Variants in TLK2 observed in about 807,000 individuals in gnomAD.
The protein encoded by TLK2 is tousled like kinase 2, also known as serine/threonine-protein kinase tousled-like 2.
In TLK2, 6 loss-of-function variants were observed where a neutral mutation model predicts 117.3. The ratio of observed to expected loss-of-function variants is 0.05; its 90% CI spans 0.03 to 0.10. The LOEUF (loss-of-function observed/expected upper bound fraction) is 0.10, where lower values mean the gene tolerates loss of function less well. Ranked by LOEUF, TLK2 falls within the 10% of genes least tolerant of loss-of-function variation. TLK2 has a pLI of 1.00. For synonymous variants in TLK2, 257 were observed against 316.7 expected (o/e 0.81, Z 2.00); for missense variants, 299 against 901.2 (o/e 0.33, Z 8.56).
At chr17:62,483,833 G>GC (rs1005510944) in intron 2 of TLK2, among the ~76,000 whole-genome samples, 5 of 145,458 alleles carry the variant, frequency 3.4e-5, no homozygotes, top group Non-Finnish European at 4.6e-5. Flanking sequence ...TCCATTAGTT[G>GC]TTTTTTTTTT....
At chr17:62,564,338 C>T (rs1307071958) in intron 10 of TLK2, among the ~76,000 whole-genome samples, 1 of 152,092 alleles carries the variant, frequency 6.6e-6, no homozygotes, top group Non-Finnish European at 1.5e-5. Context: ...GAGTTCAAGA[C>T]CAGCCTGGTC....
upstream of TLK2, among the ~76,000 whole-genome samples, chr17:62,474,055 G>A (rs549366328): frequency 5.3e-5 from 8 of 151,970 alleles, no homozygotes; most frequent in Non-Finnish European, 8.8e-5. Flanking sequence ...GGCAACATGC[G>A]CATCTAACTT....
At chr17:62,508,774 C>T in intron 2 of TLK2, among the ~76,000 whole-genome samples, 1 of 152,158 alleles carries the variant, frequency 6.6e-6, no homozygotes, top group East Asian at 1.9e-4. Flanking sequence ...TTGAGACCAG[C>T]CTGGGCAACA....
At chr17:62,477,338 G>C (rs1481168372), upstream of TLK2, among the ~76,000 whole-genome samples, 3 of 152,028 alleles carry the variant, frequency 2.0e-5, no homozygotes, top group African/African-American at 7.2e-5. Flanking sequence ...TGTTCTCTTT[G>C]GGAATATGCA....
intron 10 of TLK2, among the ~76,000 whole-genome samples, chr17:62,562,238 T>A (rs1473386927): frequency 2.6e-5 from 4 of 152,122 alleles, no homozygotes; most frequent in Admixed American, 2.6e-4. Flanking sequence ...TGTGCGCCTG[T>A]AATCTTAGCT....
In TLK2 at chr17:62,479,007, G is replaced by T. The variant is rs2071266638; in HGVS notation, c.-289G>T. ...CTTGGCCTTTGTCCGGCGCCAGGAG[G>T]CCGGTCCCGCGCCCCCCGCGGCCGC... On this transcript the variant is annotated 5_prime_UTR_variant, in exon 1 of 22. Coordinates refer to ENST00000346027, the MANE Select transcript of TLK2 (RefSeq NM_006852.6). 2 of 150,798 alleles carry T rather than the reference G, an allele frequency of 1.3e-5. No homozygotes were observed. Among genetic ancestry groups the T allele is most frequent in the South Asian group, 4.1e-4 (2 of 4,822 alleles). 9.3% of individuals were successfully genotyped at this position (150,798 alleles called of 1,614,324 possible).
At chr17:62,472,746 A>C (rs2070965572) in intron 1 of TLK2, among the ~76,000 whole-genome samples, 1 of 151,878 alleles carries the variant, frequency 6.6e-6, no homozygotes, top group South Asian at 2.1e-4. Context: ...TCAAAAAAAA[A>C]AAAAAAGCCA....
At chr17:62,564,070 A>C (rs1421280003) in intron 10 of TLK2, among the ~76,000 whole-genome samples, 1 of 152,166 alleles carries the variant, frequency 6.6e-6, no homozygotes, top group East Asian at 1.9e-4. Flanking sequence ...CTAGGCATTG[A>C]TGTGGCCCAA....
intron 2 of TLK2, among the ~76,000 whole-genome samples, chr17:62,490,400 C>G (rs926422844): frequency 6.6e-6 from 1 of 152,186 alleles, no homozygotes; most frequent in Non-Finnish European, 1.5e-5. Flanking sequence ...TCACTCTTAT[C>G]CTGAGGGTGT....
intron 16 of TLK2, among the ~76,000 whole-genome samples, chr17:62,588,133 T>C (rs1363661785): frequency 1.3e-5 from 2 of 151,264 alleles, no homozygotes; most frequent in African/African-American, 2.4e-5. Context: ...CATCTGTATA[T>C]GTATAAAATA....
chr17:62,543,322 A>G lies in TLK2; in HGVS notation c.531+6985A>G, dbSNP rs528423610. Reference sequence around the variant, plus strand: ...ATGATGTTGCTATGAACATTCATGTATAAGACTTTGTGTAGACATACGTTT... The same window carrying G: ...ATGATGTTGCTATGAACATTCATGTGTAAGACTTTGTGTAGACATACGTTT... On this transcript the variant is annotated intron_variant, in intron 7 of 21. Coordinates refer to ENST00000346027, the MANE Select transcript of TLK2 (RefSeq NM_006852.6). 1.3e-4 allele frequency among the ~76,000 whole-genome samples: 20 copies of G among 152,340 alleles called. No homozygotes were observed. In the South Asian group the frequency reaches 3.9e-3, roughly 30 times the overall value.
chr17:62,510,508 A>G (rs1399537923), intron 2 of TLK2, among the ~76,000 whole-genome samples: 1 of 152,222 alleles, frequency 6.6e-6, no homozygotes, highest in Admixed American at 6.5e-5. Context: ...CAGATACCAC[A>G]GACTGTGTGG....
At chr17:62,471,423 C>T (rs1426516254) in intron 1 of TLK2, among the ~76,000 whole-genome samples, 1 of 152,182 alleles carries the variant, frequency 6.6e-6, no homozygotes, top group African/African-American at 2.4e-5. Context: ...TTCCCCATAG[C>T]CTTTGAATGC....
intron 6 of TLK2, among the ~76,000 whole-genome samples, chr17:62,531,874 G>C (rs1211508199): frequency 6.6e-6 from 1 of 152,170 alleles, no homozygotes; most frequent in South Asian, 2.1e-4. Flanking sequence ...GCCATCTGAG[G>C]GTGGGGGTAA....
chr17:62,588,041 GTATATGTATAAAA>G (rs2081769490), intron 16 of TLK2, among the ~76,000 whole-genome samples: 1 of 130,452 alleles, frequency 7.7e-6, no homozygotes, highest in African/African-American at 3.0e-5. Flanking sequence ...GTATACATCT[GTATATGTATAAAA>G]TATACGTATA....
chr17:62,559,377 T>A (rs932598436), intron 9 of TLK2, among the ~76,000 whole-genome samples: 5 of 151,818 alleles, frequency 3.3e-5, no homozygotes, highest in Non-Finnish European at 5.9e-5. Flanking sequence ...ATTTTTTTTT[T>A]ATTTTTTATT....
At chr17:62,567,527 T>C (rs889985800) in intron 11 of TLK2, among the ~76,000 whole-genome samples, 1 of 152,236 alleles carries the variant, frequency 6.6e-6, no homozygotes. Flanking sequence ...GGCTGATGTC[T>C]ATTAATTATA....
chr17:62,601,933 C>G, intron 18 of TLK2, 109 bp from the exon 19 acceptor site: 1 of 988,740 alleles, frequency 1.0e-6, no homozygotes, highest in Non-Finnish European at 1.5e-6. Flanking sequence ...TGGATGTTTG[C>G]TTTTGCAAGA....
chr17:62,480,087 C>T lies in TLK2; in HGVS notation c.-6+797C>T, dbSNP rs1304205570. Among the ~76,000 whole-genome samples, 5 of 152,380 alleles carry T rather than the reference C, an allele frequency of 3.3e-5. No individual in the cohort carries two copies. The South Asian group carries it at 6.2e-4, about 19-fold the overall frequency. Reference sequence around the variant, plus strand: ...TTCATTCCCCTTTGCCCCAGGCTCTCAATCCAGGAAGGGAAATGAAACTGA... The same window carrying T: ...TTCATTCCCCTTTGCCCCAGGCTCTTAATCCAGGAAGGGAAATGAAACTGA... On this transcript the variant is annotated intron_variant, in intron 1 of 21. Transcript: ENST00000346027.
Sources: gnomAD v4.1 joint callset for allele counts (sites outside exome capture counted in the v4.1 genomes callset) on GRCh38, gnomAD v4.1.1 for gene constraint, MANE v1.5 for transcripts, NCBI Gene and HGNC (gene_info 2026-07-23, HGNC 2026-07-21) for gene names.